The following SEZ6L variants were observed in gnomAD, a reference collection of about 807,000 sequenced individuals.
SEZ6L encodes seizure 6-like protein.
A neutral mutation model predicts 106.2 loss-of-function variants in SEZ6L; 37 were observed. The ratio of observed to expected loss-of-function variants is 0.35; its 90% CI spans 0.27 to 0.46. The LOEUF is 0.46. Among genes scored for constraint, SEZ6L ranks in the 20% least tolerant of loss-of-function variants. The pLI is 1.00. For missense variants in SEZ6L, 1,172 were observed against 1,332.8 expected, an observed-to-expected ratio of 0.88 and a Z score of 1.88; for synonymous variants, 541 against 570.4, an observed-to-expected ratio of 0.95 and a Z score of 0.73.
chr22:26,374,521 C>G (rs898540213), intron 14 of SEZ6L, among the ~76,000 whole-genome samples: 2 of 152,164 alleles, frequency 1.3e-5, no homozygotes, highest in African/African-American at 2.4e-5. Flanking sequence ...TTCAGAGTAT[C>G]CTTTTTCTGC....
Position 26,296,941 on chromosome 22 carries a change from C to T in SEZ6L, c.1023C>T (p.Asp341=), listed in dbSNP as rs888178964. The change falls in exon 4 of 17, where the codon GAC becomes GAT. Residue 341 remains aspartate, a synonymous_variant. Coordinates refer to ENST00000248933, the MANE Select transcript of SEZ6L (RefSeq NM_021115.5). ...AACTGCTCTCCATCCGCGGGGTGGACGGCCCTACCCTGACCGTCCTGGCCA... is the reference window on the plus strand; with the variant it reads ...AACTGCTCTCCATCCGCGGGGTGGATGGCCCTACCCTGACCGTCCTGGCCA... The part of the protein sequence containing the change: ...DGELLSIRGV[D]GPTLTVLANQ... The T allele has an allele frequency of 1.1e-5, 17 of 1,612,306 alleles. No homozygotes were observed. Among genetic ancestry groups the T allele is most frequent in the Admixed American group, 5.0e-5 (3 of 59,840 alleles).
chr22:26,309,014 C>T (rs2081730346), intron 6 of SEZ6L, among the ~76,000 whole-genome samples: 1 of 152,196 alleles, frequency 6.6e-6, no homozygotes, highest in African/African-American at 2.4e-5. Flanking sequence ...TTGCCTCAGC[C>T]ATACTGGACA....
At chr22:26,232,491 C>T (rs903121085) in intron 1 of SEZ6L, among the ~76,000 whole-genome samples, 2 of 152,076 alleles carry the variant, frequency 1.3e-5, no homozygotes, top group Admixed American at 6.6e-5. Context: ...AGCCATGTGC[C>T]GCATAACAAC....
intron 1 of SEZ6L, among the ~76,000 whole-genome samples, chr22:26,258,744 G>A (rs1434300603): frequency 1.3e-5 from 2 of 152,156 alleles, no homozygotes; most frequent in African/African-American, 4.8e-5. Flanking sequence ...GAATTATAAA[G>A]GATCTGTGGT....
At chr22:26,375,106 C>A (rs2084175502) in intron 14 of SEZ6L, among the ~76,000 whole-genome samples, 1 of 152,094 alleles carries the variant, frequency 6.6e-6, no homozygotes. Flanking sequence ...TGCGGCTGAC[C>A]ACCAGCACCG....
At chr22:26,248,024 G>A (rs1569417728) in intron 1 of SEZ6L, among the ~76,000 whole-genome samples, 1 of 152,178 alleles carries the variant, frequency 6.6e-6, no homozygotes, top group Non-Finnish European at 1.5e-5. Flanking sequence ...AGTTCTGTCT[G>A]TGTCTCCATC....
chr22:26,272,685 T>C (rs1180735530), intron 1 of SEZ6L, among the ~76,000 whole-genome samples: 1 of 152,150 alleles, frequency 6.6e-6, no homozygotes, highest in Non-Finnish European at 1.5e-5. Flanking sequence ...TTGTAGTGAG[T>C]GTTTGTTGAA....
At chr22:26,327,067 C>T (rs906362458) in intron 9 of SEZ6L, among the ~76,000 whole-genome samples, 2 of 152,102 alleles carry the variant, frequency 1.3e-5, no homozygotes, top group Non-Finnish European at 2.9e-5. Flanking sequence ...GTGCACGATG[C>T]GGACGCAGAA....
Position 26,377,730 on chromosome 22 carries a change from G to A in SEZ6L, c.3000G>A (p.Gln1000=), listed in dbSNP as rs529920388. The A allele has an allele frequency of 6.2e-7, 1 of 1,614,024 alleles. No homozygotes were observed. The highest frequency in any genetic ancestry group is 1.7e-5 in the Admixed American group (1 of 60,014). Residue 1000 remains glutamine, a synonymous_variant, in exon 16 of 17, where the codon CAG becomes CAA. Transcript: ENST00000248933. ...LPLMYSHPYS[Q]ITVETEFDNP... is the part of the protein sequence containing the mutation. The stretch of plus-strand genomic sequence containing the variant: ...TGATGTACTCCCACCCCTACAGCCA[G>A]ATCACCGTGGAAACCGAGTTTGACA...
At chr22:26,316,890 AAGAG>A (rs371657529) in intron 9 of SEZ6L, among the ~76,000 whole-genome samples, 48 of 31,404 alleles carry the variant, frequency 1.5e-3, no homozygotes, top group Admixed American at 6.4e-3. Context: ...GAAAGAAAGA[AAGAG>A]AAAGAAAGAA....
chr22:26,332,181 G>A (rs1414318352), intron 9 of SEZ6L, among the ~76,000 whole-genome samples: 4 of 131,906 alleles, frequency 3.0e-5, no homozygotes, highest in Admixed American at 8.2e-5. Flanking sequence ...ACAGGGTCTC[G>A]CTCTGTTGCC....
chr22:26,362,485 C>T (rs2083666694), intron 12 of SEZ6L, among the ~76,000 whole-genome samples: 1 of 152,014 alleles, frequency 6.6e-6, no homozygotes, highest in Admixed American at 6.5e-5. Context: ...CCAGGGTCTT[C>T]TGAGTTTCTC....
At chr22:26,219,650 T>C (rs900615847) in intron 1 of SEZ6L, among the ~76,000 whole-genome samples, 1 of 152,082 alleles carries the variant, frequency 6.6e-6, no homozygotes, top group African/African-American at 2.4e-5. Context: ...AGAGGAGAAG[T>C]TCAAAGAGGA....
intron 1 of SEZ6L, among the ~76,000 whole-genome samples, chr22:26,215,467 T>C (rs2078273950): frequency 6.6e-6 from 1 of 152,144 alleles, no homozygotes; most frequent in Admixed American, 6.5e-5. Flanking sequence ...ACTCCCACCA[T>C]CTTGAAATGG....
chr22:26,332,943 T>C (rs1342565181), intron 9 of SEZ6L, among the ~76,000 whole-genome samples: 1 of 152,232 alleles, frequency 6.6e-6, no homozygotes, highest in African/African-American at 2.4e-5. Context: ...TTTCCTTATC[T>C]GTATAATGGA....
At chr22:26,286,438 A>C (rs2080934866) in intron 1 of SEZ6L, among the ~76,000 whole-genome samples, 2 of 152,214 alleles carry the variant, frequency 1.3e-5, no homozygotes, top group African/African-American at 4.8e-5. Flanking sequence ...GAAGGAGAAA[A>C]TACACCCAGA....
intron 1 of SEZ6L, among the ~76,000 whole-genome samples, chr22:26,265,102 G>A (rs531925783): frequency 6.6e-6 from 1 of 152,182 alleles, no homozygotes; most frequent in African/African-American, 2.4e-5. Flanking sequence ...TTTGAACAGT[G>A]TAGCAGGATC....
chr22:26,266,619 A>G (rs988944949), intron 1 of SEZ6L, among the ~76,000 whole-genome samples: 4 of 148,470 alleles, frequency 2.7e-5, no homozygotes, highest in Admixed American at 2.7e-4. Flanking sequence ...ATAAATAAAT[A>G]GCAACATATT....
intron 1 of SEZ6L, among the ~76,000 whole-genome samples, chr22:26,212,518 G>A (rs553854979): frequency 3.3e-4 from 50 of 152,264 alleles, no homozygotes; most frequent in Non-Finnish European, 5.4e-4. Context: ...AACTTCCCAG[G>A]CTCAGGTGAT....
Sources: gnomAD v4.1 joint callset for allele counts (sites outside exome capture counted in the v4.1 genomes callset) on GRCh38, gnomAD v4.1.1 for gene constraint, MANE v1.5 for transcripts, NCBI Gene and HGNC (gene_info 2026-07-23, HGNC 2026-07-21) for gene names.